FRAS1: variants seen among roughly 807,000 people sequenced by gnomAD.
FRAS1 encodes the protein extracellular matrix organizing protein FRAS1.
A neutral mutation model predicts 435.2 loss-of-function variants in FRAS1; 290 were observed. The ratio of observed to expected loss-of-function variants is 0.67; its 90% CI spans 0.61 to 0.73. The LOEUF (loss-of-function observed/expected upper bound fraction) is 0.73. FRAS1 is among the 30% of genes least tolerant of loss of function. The probability of loss-of-function intolerance (pLI) is 0.00; values close to 1 mark genes in which losing one functional copy is unlikely to be tolerated. For missense variants in FRAS1, 4,860 were observed against 5,001.5 expected, an observed-to-expected ratio of 0.97 and a Z score of 0.85; for synonymous variants, 1,800 against 1,851.0, an observed-to-expected ratio of 0.97 and a Z score of 0.71.
chr4:78,429,064 C>G (rs199710086), intron 35 of FRAS1, 31 bp from the exon 36 acceptor site: 56 of 1,028,640 alleles, frequency 5.4e-5, no homozygotes, highest in African/African-American at 1.4e-4. Context: ...GTGTGTGTGT[C>G]TCTGTGTGTG....
In FRAS1 at chr4:78,479,497, G is replaced by A. The variant is rs773491775; in HGVS notation, c.8222G>A (p.Arg2741His). The change falls in exon 56 of 74, where the codon CGT becomes CAT. Residue 2741 changes from arginine (R) to histidine (H), a missense_variant. By Grantham distance (29) the Arg-to-His change is conservative. Coordinates refer to ENST00000512123, the MANE Select transcript of FRAS1 (RefSeq NM_025074.7). ...TCTAGAGGGATGTCTGCCGCGAGTC[G>A]TGTGATATTCGGGCCTGGTGTGACC... Reference protein sequence around the residue: ...FKSRGMSAASRVIFGPGVTMS... With the variant: ...FKSRGMSAASHVIFGPGVTMS... 13 of 1,613,060 alleles carry A rather than the reference G, an allele frequency of 8.1e-6. No homozygotes were observed. The highest frequency in any genetic ancestry group is 2.2e-5 in the South Asian group (2 of 90,932).
At chr4:78,523,758 C>G (rs1721457061) in intron 69 of FRAS1, among the ~76,000 whole-genome samples, 1 of 152,028 alleles carries the variant, frequency 6.6e-6, no homozygotes, top group Non-Finnish European at 1.5e-5. Flanking sequence ...TTCTTTGTCC[C>G]AGTTTATAGA....
intron 20 of FRAS1, among the ~76,000 whole-genome samples, chr4:78,359,530 G>T (rs1052834465): frequency 4.6e-5 from 7 of 152,038 alleles, no homozygotes; most frequent in African/African-American, 1.4e-4. Context: ...TGATATAATT[G>T]GTCTTCTGTT....
In FRAS1 at chr4:78,479,533, G is replaced by C. The variant is rs752263328; in HGVS notation, c.8258G>C (p.Cys2753Ser). ...GGGCCTGGTGTGACCATGTCCACCT[G>C]TGATGTCATGCTTATTGATGACAGC... is the stretch of plus-strand genomic sequence containing the variant. ...IFGPGVTMST[C>S]DVMLIDDSEY... Residue 2753 changes from cysteine (C) to serine (S), a missense_variant, in exon 56 of 74, where the codon TGT becomes TCT. Coordinates refer to ENST00000512123, the MANE Select transcript of FRAS1 (RefSeq NM_025074.7). 1.2e-6 allele frequency: 2 copies of C among 1,613,988 alleles called. No homozygotes were observed. Among genetic ancestry groups the C allele is most frequent in the Non-Finnish European group, 1.7e-6 (2 of 1,179,840 alleles).
chr4:78,398,204 C>A (rs1490313344), intron 29 of FRAS1, among the ~76,000 whole-genome samples: 1 of 152,168 alleles, frequency 6.6e-6, no homozygotes, highest in Admixed American at 6.5e-5. Flanking sequence ...ATATGTATTA[C>A]CCTGTTATAG....
At chr4:78,112,133 A>T (rs539303012) in intron 2 of FRAS1, among the ~76,000 whole-genome samples, 1 of 152,128 alleles carries the variant, frequency 6.6e-6, no homozygotes, top group Non-Finnish European at 1.5e-5. Context: ...TCTAAATTTT[A>T]GATAAGAATT....
In FRAS1 at chr4:78,515,803, A is replaced by G; in HGVS notation, c.10179A>G (p.Ala3393=). The G allele has an allele frequency of 3.1e-6, 5 of 1,613,602 alleles. No homozygotes were observed. Among genetic ancestry groups the G allele is most frequent in the Non-Finnish European group, 4.2e-6 (5 of 1,179,776 alleles). ...TTGTTCTTCCCTCCCTGGCAGAGGC[A>G]GGGTTCCTGGATGATGTGGTCTATG... ...TTYDLRGISE[A]GFLDDVVYDS... The change falls in exon 66 of 74, where the codon GCA becomes GCG. Residue 3393 remains alanine (A), a synonymous_variant. Transcript: ENST00000512123.
At chr4:78,101,646 C>T (rs535892598) in intron 2 of FRAS1, among the ~76,000 whole-genome samples, 1 of 152,098 alleles carries the variant, frequency 6.6e-6, no homozygotes, top group African/African-American at 2.4e-5. Context: ...AATTTCCAGG[C>T]CTGATATTCT....
At chr4:78,268,013 CTCTGTT>C (rs909566209) in intron 9 of FRAS1, among the ~76,000 whole-genome samples, 1 of 152,196 alleles carries the variant, frequency 6.6e-6, no homozygotes, top group African/African-American at 2.4e-5. Context: ...ACAAAGCAGC[CTCTGTT>C]TGGACTATAG....
In FRAS1 at chr4:78,387,775, TACTC is replaced by T. The variant is rs1425784865; in HGVS notation, c.3975+77_3975+80del. On this transcript the variant is annotated intron_variant, in intron 29 of 73. Coordinates refer to ENST00000512123, the MANE Select transcript of FRAS1 (RefSeq NM_025074.7). Reference sequence around the variant, plus strand: ...TTCTACGGTTGATATTATTTTATGATACTCACAAAGTTAAGATATGGGTAGTCAT... The same window carrying T: ...TTCTACGGTTGATATTATTTTATGATACAAAGTTAAGATATGGGTAGTCAT... The T allele has an allele frequency of 1.3e-5, 13 of 1,034,730 alleles. No individual in the cohort carries two copies. The African/African-American group carries it at 1.9e-4, about 15-fold the overall frequency. 64.1% of individuals were successfully genotyped at this position (1,034,730 alleles called of 1,614,324 possible).
At chr4:78,311,300 C>T (rs960279732) in intron 15 of FRAS1, among the ~76,000 whole-genome samples, 11 of 151,522 alleles carry the variant, frequency 7.3e-5, no homozygotes, top group African/African-American at 1.9e-4. Flanking sequence ...TTATTTTGAG[C>T]GCATATGTAT....
chr4:78,201,165 T>A (rs1236811832), intron 2 of FRAS1, among the ~76,000 whole-genome samples: 1 of 152,096 alleles, frequency 6.6e-6, no homozygotes, highest in East Asian at 1.9e-4. Flanking sequence ...GGGTCAGGGA[T>A]CATGTCTTAT....
At chr4:78,118,436 G>A (rs574061314) in intron 2 of FRAS1, among the ~76,000 whole-genome samples, 46 of 152,188 alleles carry the variant, frequency 3.0e-4, no homozygotes, top group Non-Finnish European at 6.3e-4. Flanking sequence ...CAGAGGTGGA[G>A]TCTACAGAGG....
At chr4:78,427,274 T>C (rs111380836) in intron 35 of FRAS1, among the ~76,000 whole-genome samples, 89 of 152,262 alleles carry the variant, frequency 5.8e-4, no homozygotes, top group Middle Eastern at 3.4e-3. Context: ...CACTGCCTCA[T>C]GACTCTTCAC....
At chr4:78,092,047 G>T (rs1339015760) in intron 2 of FRAS1, among the ~76,000 whole-genome samples, 4 of 151,758 alleles carry the variant, frequency 2.6e-5, no homozygotes, top group East Asian at 1.9e-4. Context: ...ACGTGTGGGT[G>T]GCTTGGAGGT....
intron 26 of FRAS1, among the ~76,000 whole-genome samples, chr4:78,376,309 C>T (rs1731758054): frequency 6.6e-6 from 1 of 152,138 alleles, no homozygotes; most frequent in Non-Finnish European, 1.5e-5. Context: ...TAGCCTACTA[C>T]ACACCAAGGC....
At chr4:78,257,110 A>G (rs1227098664) in intron 6 of FRAS1, among the ~76,000 whole-genome samples, 7 of 152,190 alleles carry the variant, frequency 4.6e-5, no homozygotes, top group Non-Finnish European at 1.0e-4. Context: ...AGTCCTACAG[A>G]GTAGGAGCTA....
At chr4:78,265,756 A>G (rs1465928490) in intron 7 of FRAS1, among the ~76,000 whole-genome samples, 2 of 152,238 alleles carry the variant, frequency 1.3e-5, no homozygotes, top group African/African-American at 2.4e-5. Context: ...CAAAGAACAC[A>G]TAAAAAAATA....
chr4:78,480,237 C>G (rs976290956), intron 56 of FRAS1, among the ~76,000 whole-genome samples: 2 of 152,152 alleles, frequency 1.3e-5, no homozygotes, highest in African/African-American at 4.8e-5. Flanking sequence ...CATTTCCCAC[C>G]CCCACTACTC....
Sources: gnomAD v4.1 joint callset for allele counts (sites outside exome capture counted in the v4.1 genomes callset) on GRCh38, gnomAD v4.1.1 for gene constraint, MANE v1.5 for transcripts, NCBI Gene and HGNC (gene_info 2026-07-23, HGNC 2026-07-21) for gene names.